GGA3: variants seen among roughly 807,000 people sequenced by gnomAD.
GGA3 encodes the protein ADP-ribosylation factor-binding protein GGA3.
GGA3 carries 57 observed loss-of-function variants against 77.5 expected under a neutral mutation model. That is an observed-to-expected ratio of 0.74 (90% CI 0.59 to 0.92). GGA3 has a LOEUF of 0.92. Among genes scored for constraint, GGA3 ranks in the 40% least tolerant of loss-of-function variants. The pLI is 0.00. For synonymous variants in GGA3, 416 were observed against 383.7 expected (o/e 1.08, Z -0.98); for missense variants, 970 against 914.9 (o/e 1.06, Z -0.78).
chr17:75,252,033 T>C (rs1286094500), intron 1 of GGA3, among the ~76,000 whole-genome samples: 1 of 151,742 alleles, frequency 6.6e-6, no homozygotes, highest in Non-Finnish European at 1.5e-5. Context: ...CCCAAGGTGC[T>C]AGGATTACAG....
chr17:75,260,053 G>T (rs1402569457), intron 1 of GGA3, among the ~76,000 whole-genome samples: 1 of 152,190 alleles, frequency 6.6e-6, no homozygotes, highest in African/African-American at 2.4e-5. Flanking sequence ...GGAGGCTGAG[G>T]TAGAAGACTT....
intron 1 of GGA3, among the ~76,000 whole-genome samples, chr17:75,252,208 G>T (rs1279865416): frequency 6.6e-6 from 1 of 151,910 alleles, no homozygotes; most frequent in Non-Finnish European, 1.5e-5. Flanking sequence ...CTCCTGAGTA[G>T]CTGGGACCAC....
chr17:75,237,544 G>GA lies in GGA3; in HGVS notation c.*734dup. On this transcript the variant is annotated 3_prime_UTR_variant, in exon 17 of 17. Coordinates refer to ENST00000537686, the MANE Select transcript of GGA3 (RefSeq NM_138619.4). ...CTGAGTACCTGCTTCTGGAGAAGGGGAAATACTGGCTCTCTTCATTTTCCT... is the reference window on the plus strand; with the variant it reads ...CTGAGTACCTGCTTCTGGAGAAGGGGAAAATACTGGCTCTCTTCATTTTCCT... 1 of 1,535,894 alleles carries GA rather than the reference G, an allele frequency of 6.5e-7. No homozygotes were observed. The highest frequency in any genetic ancestry group is 8.7e-7 in the Non-Finnish European group (1 of 1,146,704).
At position 75,238,759 on chromosome 17, in the gene GGA3, T is replaced by C; in HGVS notation, c.1954A>G (p.Met652Val). 3 of 1,612,332 alleles carry C rather than the reference T, an allele frequency of 1.9e-6. No individual in the cohort carries two copies. The highest frequency in any genetic ancestry group is 2.5e-6 in the Non-Finnish European group (3 of 1,178,740). Residue 652 changes from methionine to valine, a missense_variant, in exon 16 of 17, where the codon ATG becomes GTG. Met to Val is a conservative substitution (Grantham distance 21, BLOSUM62 1). Coordinates refer to ENST00000537686, the MANE Select transcript of GGA3 (RefSeq NM_138619.4). ...IVLQAAVPKS[M>V]KVKLQPPSGT... ...GAAGGTGGCTGCAACTTCACTTTCA[T>C]TGACTAAAGAGAGAGAAACTCCTTT...
chr17:75,243,358 G>A, intron 5 of GGA3, 89 bp downstream of exon 5: 1 of 1,512,932 alleles, frequency 6.6e-7, no homozygotes, highest in Admixed American at 1.7e-5. Flanking sequence ...CTTCAGGAGG[G>A]ACTCTGGGGA....
chr17:75,247,735 A>G (rs1195498804), intron 1 of GGA3, among the ~76,000 whole-genome samples: 1 of 152,178 alleles, frequency 6.6e-6, no homozygotes, highest in Non-Finnish European at 1.5e-5. Flanking sequence ...TTGAGTATCT[A>G]GCACCCCCAG....
chr17:75,242,883 T>C lies in GGA3; in HGVS notation c.557A>G (p.Asn186Ser). 1.2e-6 allele frequency: 2 copies of C among 1,613,606 alleles called. No individual in the cohort carries two copies. The highest frequency in any genetic ancestry group is 8.5e-7 in the Non-Finnish European group (1 of 1,179,602). ...KLLAKLLKSK[N>S]PDDLQEANKL... ...GTTGGCCTCCTGCAGGTCATCTGGGTTTTTGCTTTTCAGCAGCTTGGCTAA... is the reference window on the plus strand; with the variant it reads ...GTTGGCCTCCTGCAGGTCATCTGGGCTTTTGCTTTTCAGCAGCTTGGCTAA... Residue 186 changes from asparagine (N) to serine (S), a missense_variant, in exon 7 of 17, where the codon AAC (asparagine) becomes AGC (serine). Coordinates refer to ENST00000537686, the MANE Select transcript of GGA3 (RefSeq NM_138619.4).
At chr17:75,243,401 C>A (rs1343275914) in intron 5 of GGA3, 46 bp downstream of exon 5, 1 of 1,611,094 alleles carries the variant, frequency 6.2e-7, no homozygotes, top group African/African-American at 1.3e-5. Context: ...TTGCCTGGGC[C>A]AGCCTTCGAG....
Position 75,238,296 on chromosome 17 carries a change from G to A in GGA3, c.2155C>T (p.Gln719Ter). 6.2e-7 allele frequency: 1 copy of A among 1,613,380 alleles called. No homozygotes were observed. Among genetic ancestry groups the A allele is most frequent in the South Asian group, 1.1e-5 (1 of 91,020 alleles). ...CTCTGGGGTCATAGGTTCCCCCACT[G>A]TTCCACAGGAGGGAACTGGTCCACC... ...GEVDQFPPVE[Q>*]WGNL is the part of the protein sequence containing the mutation. The change falls in exon 17 of 17, where the codon CAG becomes TAG. Residue 719 changes from glutamine to a stop codon, truncating the protein, a stop_gained. Transcript: ENST00000537686. LOFTEE classifies it high-confidence loss of function.
intron 4 of GGA3, among the ~76,000 whole-genome samples, chr17:75,244,047 C>T: frequency 6.6e-6 from 1 of 152,114 alleles, no homozygotes; most frequent in East Asian, 1.9e-4. Context: ...CCCTGATGCC[C>T]ATGTGGTGCA....
chr17:75,249,557 T>C (rs1330011188), intron 1 of GGA3, among the ~76,000 whole-genome samples: 1 of 152,226 alleles, frequency 6.6e-6, no homozygotes, highest in Non-Finnish European at 1.5e-5. Flanking sequence ...TTGTCTGAAA[T>C]TTCCTCAGGC....
chr17:75,240,154 G>GGGGGGCGGC, intron 12 of GGA3, 46 bp from the exon 13 acceptor site: 1 of 465,526 alleles, frequency 2.1e-6, no homozygotes, highest in Non-Finnish European at 4.2e-6. Context: ...GGTGGGGAGG[G>GGGGGGCGGC]CCTGCCGCTG....
rs1240525391 is a variant in GGA3 at position 75,237,928 on chromosome 17, A to AC, written c.*350dup. The AC allele has an allele frequency of 0.027, 8,925 of 331,414 alleles. 665 individuals carry two copies. The African/African-American group carries it at 0.28, about 10-fold the overall frequency. 20.5% of individuals were successfully genotyped at this position (331,414 alleles called of 1,614,324 possible). On this transcript the variant is annotated 3_prime_UTR_variant, in exon 17 of 17. Coordinates refer to ENST00000537686, the MANE Select transcript of GGA3 (RefSeq NM_138619.4). The stretch of plus-strand genomic sequence containing the variant: ...CTCTCTTTAGAGACTCCCACCCCCC[A>AC]CCCCCCACCCCAGTGGCTTCAGTGA...
At position 75,244,663 on chromosome 17, in the gene GGA3, TC is replaced by T; in HGVS notation, c.255del (p.Lys86SerfsTer5). ...ATTAACTCATTCAAAAAGCGGAACT[TC>T]CCCACTTCGTTATGAAATCTCCTCC... ...NCGRRFHNEV[G>X]KFRFLNELIK... On this transcript the variant is annotated frameshift_variant, in exon 4 of 17. Coordinates refer to ENST00000537686, the MANE Select transcript of GGA3 (RefSeq NM_138619.4). LOFTEE classifies it high-confidence loss of function. 6.2e-7 allele frequency: 1 copy of T among 1,613,896 alleles called. No homozygotes were observed. The highest frequency in any genetic ancestry group is 8.5e-7 in the Non-Finnish European group (1 of 1,179,792).
chr17:75,257,340 T>C (rs2077192359), intron 1 of GGA3, among the ~76,000 whole-genome samples: 1 of 145,598 alleles, frequency 6.9e-6, no homozygotes, highest in South Asian at 2.2e-4. Flanking sequence ...CATACTCCTA[T>C]TCAACGTTCT....
At position 75,239,494 on chromosome 17, in the gene GGA3, G is replaced by A; in HGVS notation, c.1661C>T (p.Ser554Phe). Reference protein sequence around the residue: ...TTPARPLLPFSTGPGSPLFQP... With the variant: ...TTPARPLLPFFTGPGSPLFQP... ...GAAGAGCGGGCTGCCGGGCCCCGTG[G>A]AGAAGGGCAGGAGGGGCCTGGCTGG... Residue 554 changes from serine to phenylalanine, a missense_variant, in exon 14 of 17, where the codon TCC becomes TTC. Ser to Phe is a radical substitution (Grantham distance 155). Coordinates refer to ENST00000537686, the MANE Select transcript of GGA3 (RefSeq NM_138619.4). The A allele has an allele frequency of 6.3e-7, 1 of 1,575,962 alleles. No homozygotes were observed. The highest frequency in any genetic ancestry group is 8.6e-7 in the Non-Finnish European group (1 of 1,167,490).
chr17:75,243,263 A>G (rs1567787452), intron 5 of GGA3, 97 bp from the exon 6 acceptor site: 1 of 1,146,498 alleles, frequency 8.7e-7, no homozygotes, highest in Non-Finnish European at 1.3e-6. Flanking sequence ...CAAGACCTGC[A>G]AAGGGTAGCA....
Position 75,238,148 on chromosome 17 carries a change from C to T in GGA3, c.*131G>A. 2 of 1,459,988 alleles carry T rather than the reference C, an allele frequency of 1.4e-6. No individual in the cohort carries two copies. Among genetic ancestry groups the T allele is most frequent in the Non-Finnish European group, 1.8e-6 (2 of 1,109,138 alleles). 90.4% of individuals were successfully genotyped at this position (1,459,988 alleles called of 1,614,324 possible). On this transcript the variant is annotated 3_prime_UTR_variant, in exon 17 of 17. Transcript: ENST00000537686. ...AGCAGTTTGGTTCTCAGCAGAAATG[C>T]CCAGGGCCCCTGTTCCACATCAAAG...
intron 3 of GGA3, among the ~76,000 whole-genome samples, chr17:75,246,184 C>T (rs1476897059): frequency 6.6e-6 from 1 of 152,256 alleles, no homozygotes; most frequent in Admixed American, 6.5e-5. Flanking sequence ...CTGTCAGCAT[C>T]TCTTCACCAA....
Sources: allele counts gnomAD v4.1 joint callset (sites outside exome capture counted in the v4.1 genomes callset), GRCh38; gene constraint gnomAD v4.1.1; transcripts MANE v1.5; gene names NCBI Gene and HGNC (gene_info 2026-07-23, HGNC 2026-07-21).